TNR: variants seen among roughly 807,000 people sequenced by gnomAD.
TNR encodes the protein tenascin R.
TNR carries 45 observed loss-of-function variants against 150.4 expected under a neutral mutation model. That is an observed-to-expected ratio of 0.30 (90% confidence interval 0.24 to 0.38). The LOEUF is 0.38. Ranked by LOEUF, TNR falls within the 10% of genes least tolerant of loss-of-function variation. The pLI is 1.00. For synonymous variants in TNR, 687 were observed against 678.4 expected, an observed-to-expected ratio of 1.01 and a Z score of -0.20; for missense variants, 1,544 against 1,759.1, an observed-to-expected ratio of 0.88 and a Z score of 2.19.
chr1:175,624,656 C>T (rs74127370), intron 1 of TNR, among the ~76,000 whole-genome samples: 4,035 of 152,176 alleles, frequency 0.027, 178 homozygotes, highest in African/African-American at 0.091. Flanking sequence ...CTTGATTTTG[C>T]GCTTCTAGCC....
intron 1 of TNR, among the ~76,000 whole-genome samples, chr1:175,704,611 C>G (rs1442715219): frequency 2.0e-5 from 3 of 152,210 alleles, no homozygotes; most frequent in Non-Finnish European, 4.4e-5. Flanking sequence ...GAGATGCTTT[C>G]CCCAATGGGG....
chr1:175,396,162 A>G (rs1388146625), intron 5 of TNR, among the ~76,000 whole-genome samples: 1 of 152,216 alleles, frequency 6.6e-6, no homozygotes, highest in Non-Finnish European at 1.5e-5. Flanking sequence ...ACCATTTAGC[A>G]CTTGCTTCTT....
At chr1:175,373,559 C>A (rs2102020421) in intron 9 of TNR, among the ~76,000 whole-genome samples, 1 of 152,282 alleles carries the variant, frequency 6.6e-6, no homozygotes, top group Admixed American at 6.5e-5. Context: ...CCAATTCCAT[C>A]CTGATTTAAA....
chr1:175,386,640 A>T (rs1444038967), intron 7 of TNR, among the ~76,000 whole-genome samples: 2 of 85,398 alleles, frequency 2.3e-5, no homozygotes, highest in Non-Finnish European at 5.0e-5. Flanking sequence ...CAGGGAATTG[A>T]GAACTGGGTT....
intron 1 of TNR, among the ~76,000 whole-genome samples, chr1:175,607,928 G>A (rs1013905071): frequency 6.6e-6 from 1 of 152,212 alleles, no homozygotes; most frequent in African/African-American, 2.4e-5. Flanking sequence ...TACTGCAGCT[G>A]CTTAACTGAT....
chr1:175,621,280 C>T (rs1663967713), intron 1 of TNR, among the ~76,000 whole-genome samples: 1 of 152,152 alleles, frequency 6.6e-6, no homozygotes, highest in Admixed American at 6.5e-5. Context: ...GACTAATCTT[C>T]CTGATCAAAA....
chr1:175,739,161 C>T (rs148380526), intron 1 of TNR, among the ~76,000 whole-genome samples: 5 of 152,206 alleles, frequency 3.3e-5, no homozygotes, highest in African/African-American at 1.2e-4. Flanking sequence ...AGGCAGGTGA[C>T]CCCAGAAAGA....
intron 1 of TNR, among the ~76,000 whole-genome samples, chr1:175,588,953 T>C (rs868326574): frequency 2.0e-5 from 3 of 152,156 alleles, no homozygotes; most frequent in Non-Finnish European, 4.4e-5. Flanking sequence ...GTAACAATGA[T>C]GCATAAGAAG....
At chr1:175,374,361 C>T (rs549109455) in intron 9 of TNR, among the ~76,000 whole-genome samples, 4 of 152,136 alleles carry the variant, frequency 2.6e-5, no homozygotes, top group Admixed American at 1.3e-4. Flanking sequence ...ATCAGCCTAG[C>T]GTGTGTGAGT....
At chr1:175,530,215 G>T (rs1011858554) in intron 1 of TNR, among the ~76,000 whole-genome samples, 30 of 152,160 alleles carry the variant, frequency 2.0e-4, no homozygotes, top group African/African-American at 7.0e-4. Flanking sequence ...CACACAGAAG[G>T]CTTACTGAGA....
In TNR at chr1:175,547,071, C is replaced by G. The variant is rs528310315; in HGVS notation, c.-164-18702G>C. The stretch of plus-strand genomic sequence containing the variant: ...CTGACACTCCATTTAGGAGGTACCA[C>G]TATCCAGACAGGCACAGCATACACA... On this transcript the variant is annotated intron_variant, in intron 1 of 22. Coordinates refer to ENST00000367674, the MANE Select transcript of TNR (RefSeq NM_003285.3). Among the ~76,000 whole-genome samples the G allele has an allele frequency of 2.6e-4, 39 of 152,330 alleles. 1 individual carries two copies. The South Asian group carries it at 7.9e-3, about 31-fold the overall frequency.
At chr1:175,588,068 G>T (rs1201820791) in intron 1 of TNR, among the ~76,000 whole-genome samples, 1 of 152,216 alleles carries the variant, frequency 6.6e-6, no homozygotes, top group Non-Finnish European at 1.5e-5. Flanking sequence ...GATTTGTCTT[G>T]CATAGTGTGA....
At chr1:175,401,502 G>A (rs1653700298) in intron 4 of TNR, among the ~76,000 whole-genome samples, 1 of 151,966 alleles carries the variant, frequency 6.6e-6, no homozygotes, top group Non-Finnish European at 1.5e-5. Flanking sequence ...TTGGTGTGGT[G>A]ACAATATTTT....
intron 18 of TNR, among the ~76,000 whole-genome samples, chr1:175,354,023 T>C (rs1345911585): frequency 6.6e-6 from 1 of 152,080 alleles, no homozygotes; most frequent in Non-Finnish European, 1.5e-5. Flanking sequence ...TTTTTGTATT[T>C]TCAGTAGAGA....
At chr1:175,653,777 CAG>C (rs1665087855) in intron 1 of TNR, among the ~76,000 whole-genome samples, 1 of 152,180 alleles carries the variant, frequency 6.6e-6, no homozygotes, top group Admixed American at 6.5e-5. Context: ...ACTTTCTAAG[CAG>C]AGATTTATTC....
chr1:175,491,663 T>G (rs1658256707), intron 2 of TNR, among the ~76,000 whole-genome samples: 1 of 144,974 alleles, frequency 6.9e-6, no homozygotes, highest in Non-Finnish European at 1.5e-5. Context: ...TTTTTTTTTT[T>G]TTTTGAGATG....
intron 1 of TNR, among the ~76,000 whole-genome samples, chr1:175,615,873 T>C (rs1341880218): frequency 1.3e-5 from 2 of 152,206 alleles, no homozygotes; most frequent in Admixed American, 1.3e-4. Flanking sequence ...CTTTGCATAG[T>C]AGTTAAGAAT....
chr1:175,647,148 A>G (rs1664832173), intron 1 of TNR, among the ~76,000 whole-genome samples: 1 of 152,254 alleles, frequency 6.6e-6, no homozygotes, highest in Non-Finnish European at 1.5e-5. Context: ...AGCATCCTCC[A>G]GAAAAATCAA....
intron 1 of TNR, among the ~76,000 whole-genome samples, chr1:175,682,983 A>T (rs111801219): frequency 2.6e-5 from 4 of 152,152 alleles, no homozygotes; most frequent in African/African-American, 9.6e-5. Flanking sequence ...TTGCAACAGG[A>T]CTCAAACTAC....
Sources: gnomAD v4.1 joint callset for allele counts (sites outside exome capture counted in the v4.1 genomes callset) on GRCh38, gnomAD v4.1.1 for gene constraint, MANE v1.5 for transcripts, NCBI Gene and HGNC (gene_info 2026-07-23, HGNC 2026-07-21) for gene names.